The following RAD18 variants were observed in gnomAD, a reference collection of about 807,000 sequenced individuals.
RAD18 encodes the protein RAD18 E3 ubiquitin protein ligase.
Under a neutral mutation model 60.4 loss-of-function variants are expected in RAD18, and 47 were observed. That is an observed-to-expected ratio of 0.78 (90% confidence interval 0.62 to 0.99). RAD18 has a LOEUF of 0.99. Among genes scored for constraint, RAD18 ranks in the 50% least tolerant of loss-of-function variants. The pLI is 0.00. For missense variants in RAD18, 640 were observed against 593.3 expected, an observed-to-expected ratio of 1.08 and a Z score of -0.82; for synonymous variants, 225 against 195.5, an observed-to-expected ratio of 1.15 and a Z score of -1.26.
At chr3:8,942,118 G>A (rs796696110) in intron 4 of RAD18, among the ~76,000 whole-genome samples, 22 of 152,222 alleles carry the variant, frequency 1.4e-4, no homozygotes, top group African/African-American at 5.1e-4. Flanking sequence ...TCTGGATGTC[G>A]TCTCCACCAA....
intron 7 of RAD18, among the ~76,000 whole-genome samples, chr3:8,920,162 C>T (rs1166154765): frequency 6.6e-6 from 1 of 151,794 alleles, no homozygotes; most frequent in African/African-American, 2.4e-5. Context: ...GCCTGTAGTC[C>T]CAGCTACTCG....
chr3:8,892,208 G>A (rs589565), intron 11 of RAD18, among the ~76,000 whole-genome samples: 83,255 of 152,010 alleles, frequency 0.55, 26,395 homozygotes, highest in Middle Eastern at 0.71. Flanking sequence ...AGTCTAGAAC[G>A]AGGAACTTTT....
intron 4 of RAD18, among the ~76,000 whole-genome samples, chr3:8,945,860 G>A (rs545111228): frequency 6.6e-6 from 1 of 152,156 alleles, no homozygotes; most frequent in Non-Finnish European, 1.5e-5. Flanking sequence ...AGGATATAAA[G>A]AAAGATGCTT....
chr3:8,951,540 G>C (rs546559448), intron 2 of RAD18, among the ~76,000 whole-genome samples: 1 of 152,128 alleles, frequency 6.6e-6, no homozygotes, highest in South Asian at 2.1e-4. Context: ...TCCAATCTAC[G>C]TAAAGAAAGG....
At position 8,881,146 on chromosome 3, in the gene RAD18, G is replaced by C; in HGVS notation, c.*211C>G. On this transcript the variant is annotated 3_prime_UTR_variant, in exon 13 of 13. Transcript: ENST00000264926. ...TGAAATGTCAGTATTTTTAGAGAGAGATGTTTTAGAGGCAGGAGGCAACTG... is the reference window on the plus strand; with the variant it reads ...TGAAATGTCAGTATTTTTAGAGAGACATGTTTTAGAGGCAGGAGGCAACTG... 1 of 497,360 alleles carries C rather than the reference G, an allele frequency of 2.0e-6. No homozygotes were observed. The highest frequency in any genetic ancestry group is 3.6e-6 in the Non-Finnish European group (1 of 280,378). 30.8% of individuals were successfully genotyped at this position (497,360 alleles called of 1,614,324 possible). A position where few individuals can be genotyped will look rare whatever the true frequency, so the allele number is the denominator to read the frequency against.
At chr3:8,934,106 A>G (rs1940610225) in intron 7 of RAD18, among the ~76,000 whole-genome samples, 1 of 152,192 alleles carries the variant, frequency 6.6e-6, no homozygotes, top group Non-Finnish European at 1.5e-5. Context: ...AAACAAGACA[A>G]TCTTGTCCTC....
chr3:8,910,921 C>A (rs1236084395), intron 9 of RAD18, among the ~76,000 whole-genome samples: 1 of 152,150 alleles, frequency 6.6e-6, no homozygotes, highest in Non-Finnish European at 1.5e-5. Context: ...TAGTTGTTAC[C>A]TCTAGGGAAT....
chr3:8,917,400 A>G (rs186153467), intron 7 of RAD18, among the ~76,000 whole-genome samples: 1 of 152,286 alleles, frequency 6.6e-6, no homozygotes, highest in Admixed American at 6.5e-5. Flanking sequence ...TATAAAATAT[A>G]CTTTTTTCTC....
At chr3:8,885,941 T>C (rs182448719) in intron 12 of RAD18, among the ~76,000 whole-genome samples, 1 of 152,348 alleles carries the variant, frequency 6.6e-6, no homozygotes, top group East Asian at 1.9e-4. Context: ...AGTGGTCTCT[T>C]ATCAGGAGAA....
chr3:8,942,395 C>T (rs967650651), intron 4 of RAD18, among the ~76,000 whole-genome samples: 1 of 152,146 alleles, frequency 6.6e-6, no homozygotes, highest in African/African-American at 2.4e-5. Flanking sequence ...CACTAGAAGC[C>T]GAGCAGATGG....
chr3:8,927,301 AT>A (rs1336882438), intron 7 of RAD18, among the ~76,000 whole-genome samples: 42 of 152,380 alleles, frequency 2.8e-4, no homozygotes, highest in Non-Finnish European at 4.6e-4. Flanking sequence ...CAAAAGACAC[AT>A]GAAAAAATGC....
chr3:8,951,455 T>G (rs542414383), intron 2 of RAD18, among the ~76,000 whole-genome samples: 1 of 152,322 alleles, frequency 6.6e-6, no homozygotes, highest in South Asian at 2.1e-4. Flanking sequence ...AGGAATCTGT[T>G]TTCAGTAGAC....
chr3:8,916,505 T>C (rs989898442), intron 7 of RAD18, among the ~76,000 whole-genome samples: 3 of 152,178 alleles, frequency 2.0e-5, no homozygotes, highest in African/African-American at 7.2e-5. Flanking sequence ...CTCAGACTCT[T>C]ACCTACACTG....
chr3:8,923,731 C>T (rs1347676723), intron 7 of RAD18, among the ~76,000 whole-genome samples: 6 of 152,176 alleles, frequency 3.9e-5, no homozygotes, highest in Non-Finnish European at 8.8e-5. Context: ...AGAAACTTTA[C>T]AAGCCAGAAG....
At chr3:8,902,687 G>A (rs1189796993) in intron 9 of RAD18, among the ~76,000 whole-genome samples, 167 bp from the exon 10 acceptor site, 2 of 152,136 alleles carry the variant, frequency 1.3e-5, no homozygotes, top group Non-Finnish European at 2.9e-5. Flanking sequence ...TCAGGAGTTC[G>A]AAACCAGCGT....
At position 8,935,999 on chromosome 3, in the gene RAD18, C is replaced by T. The variant is rs759233033; in HGVS notation, c.761G>A (p.Arg254His). ...PKTVYNLLSD[R>H]DLKKKLKEHG... Reference sequence around the variant, plus strand: ...CTCTTTTAGCTTTTTCTTTAAATCACGATCAGAGAGCAAATTATATACAGT... The same window carrying T: ...CTCTTTTAGCTTTTTCTTTAAATCATGATCAGAGAGCAAATTATATACAGT... The change falls in exon 7 of 13, where the codon CGT (arginine) becomes CAT (histidine). Residue 254 changes from arginine (R) to histidine (H), a missense_variant. Arg to His is a conservative substitution (Grantham distance 29, BLOSUM62 0). Transcript: ENST00000264926. 28 of 1,609,498 alleles carry T rather than the reference C, an allele frequency of 1.7e-5. No homozygotes were observed. Among genetic ancestry groups the T allele is most frequent in the South Asian group, 1.0e-4 (9 of 90,294 alleles).
rs754263589 is a variant in RAD18 at position 8,881,398 on chromosome 3, T to C, written c.1447A>G (p.Ser483Gly). ...TTGTTTCTTGGTTCAATCTCAGCAC[T>C]TTCAGCGGCTCTTGTGCGGCGATTC... is the stretch of plus-strand genomic sequence containing the variant. ...RQNRRTRAAE[S>G]AEIEPRNKRN... Residue 483 changes from serine (S) to glycine (G), a missense_variant, in exon 13 of 13, where the codon AGT becomes GGT. Physicochemically the swap from Ser to Gly is moderately conservative, Grantham distance 56. Coordinates refer to ENST00000264926, the MANE Select transcript of RAD18 (RefSeq NM_020165.4). 3.7e-6 allele frequency: 6 copies of C among 1,613,264 alleles called. No homozygotes were observed. The South Asian group carries it at 6.6e-5, about 18-fold the overall frequency.
At chr3:8,915,404 G>A (rs1264551434) in intron 7 of RAD18, among the ~76,000 whole-genome samples, 1 of 152,092 alleles carries the variant, frequency 6.6e-6, no homozygotes, top group Non-Finnish European at 1.5e-5. Flanking sequence ...GAGGGATCAT[G>A]AGCACTGGTT....
intron 4 of RAD18, among the ~76,000 whole-genome samples, chr3:8,944,497 C>T (rs569867909): frequency 3.5e-4 from 53 of 150,382 alleles, no homozygotes; most frequent in African/African-American, 1.2e-3. Flanking sequence ...GATCATGCCA[C>T]TGCACTGCAG....
Sources: gnomAD v4.1 joint callset for allele counts (sites outside exome capture counted in the v4.1 genomes callset) on GRCh38, gnomAD v4.1.1 for gene constraint, MANE v1.5 for transcripts, NCBI Gene and HGNC (gene_info 2026-07-23, HGNC 2026-07-21) for gene names.